Variants in KCNMA1 observed in about 807,000 individuals in gnomAD.
KCNMA1 encodes potassium calcium-activated channel subfamily M alpha 1, also known as Calcium-activated potassium channel subunit alpha-1.
Under a neutral mutation model 140.0 loss-of-function variants are expected in KCNMA1, and 29 were observed. That is an observed-to-expected ratio of 0.21 (90% CI 0.15 to 0.28). The LOEUF is 0.28. Ranked by LOEUF, KCNMA1 falls within the 10% of genes least tolerant of loss-of-function variation. The pLI is 1.00. For missense variants in KCNMA1, 880 were observed against 1,602.2 expected, an observed-to-expected ratio of 0.55 and a Z score of 7.70; for synonymous variants, 612 against 611.9, an observed-to-expected ratio of 1.00 and a Z score of 0.00.
At chr10:77,423,327 G>A (rs1442524978) in intron 1 of KCNMA1, among the ~76,000 whole-genome samples, 1 of 152,168 alleles carries the variant, frequency 6.6e-6, no homozygotes, top group African/African-American at 2.4e-5. Context: ...CAGTGACAAA[G>A]AAATGGTTTC....
At chr10:76,881,416 G>C (rs2034617887), downstream of KCNMA1, among the ~76,000 whole-genome samples, 1 of 152,178 alleles carries the variant, frequency 6.6e-6, no homozygotes, top group Non-Finnish European at 1.5e-5. Flanking sequence ...GTAAATGTGA[G>C]TTGTTAAGGT....
intron 1 of KCNMA1, among the ~76,000 whole-genome samples, chr10:77,535,376 CA>C (rs917065933): frequency 5.9e-5 from 9 of 152,080 alleles, no homozygotes; most frequent in Non-Finnish European, 4.4e-5. Context: ...CAGCTATTAT[CA>C]AAAAGTCTGA....
At chr10:77,051,087 TAA>T (rs980313353) in intron 14 of KCNMA1, among the ~76,000 whole-genome samples, 7 of 152,194 alleles carry the variant, frequency 4.6e-5, no homozygotes, top group Non-Finnish European at 1.5e-5. Context: ...CAATTAAAAA[TAA>T]AGTTTCAGAA....
chr10:77,140,536 G>C (rs887927450), intron 5 of KCNMA1: 1 of 152,606 alleles, frequency 6.6e-6, no homozygotes, highest in Non-Finnish European at 1.5e-5. Context: ...TAGGCTTTCG[G>C]CTCCCTTCCA....
chr10:76,991,121 C>T (rs948272097), intron 19 of KCNMA1, among the ~76,000 whole-genome samples: 4 of 152,196 alleles, frequency 2.6e-5, no homozygotes, highest in Non-Finnish European at 4.4e-5. Context: ...GATGCTGACA[C>T]CTCTCTAGCT....
At chr10:77,273,415 A>C (rs2065741070) in intron 2 of KCNMA1, among the ~76,000 whole-genome samples, 3 of 152,258 alleles carry the variant, frequency 2.0e-5, no homozygotes, top group Admixed American at 1.3e-4. Flanking sequence ...CATTACATGA[A>C]GAGCTTATTA....
At chr10:77,050,861 T>C (rs1192421501) in intron 14 of KCNMA1, among the ~76,000 whole-genome samples, 1 of 152,218 alleles carries the variant, frequency 6.6e-6, no homozygotes, top group Non-Finnish European at 1.5e-5. Context: ...TGCTAGATAT[T>C]GGAGCCAGTT....
rs2097095023 is a variant in KCNMA1 at position 77,429,209 on chromosome 10, A to C, written c.379-25186T>G. 5.3e-5 allele frequency among the ~76,000 whole-genome samples: 8 copies of C among 152,168 alleles called. No homozygotes were observed. The South Asian group carries it at 1.5e-3, about 28-fold the overall frequency. On this transcript the variant is annotated intron_variant, in intron 1 of 27. Coordinates refer to ENST00000286628, the MANE Select transcript of KCNMA1 (RefSeq NM_001161352.2). Reference sequence around the variant, plus strand: ...TATGCCAAGTTCGGAAGGGTCACCAAACCACCTAATCCCCCAAGTGTTAGA... The same window carrying C: ...TATGCCAAGTTCGGAAGGGTCACCACACCACCTAATCCCCCAAGTGTTAGA...
At chr10:77,025,261 TATA>T (rs2093326585) in intron 16 of KCNMA1, among the ~76,000 whole-genome samples, 2 of 118,436 alleles carry the variant, frequency 1.7e-5, no homozygotes, top group Non-Finnish European at 3.4e-5. Context: ...TATATATATA[TATA>T]TATATATATA....
At chr10:77,219,266 G>A (rs951605456) in intron 3 of KCNMA1, among the ~76,000 whole-genome samples, 8 of 152,112 alleles carry the variant, frequency 5.3e-5, no homozygotes, top group Non-Finnish European at 7.3e-5. Flanking sequence ...TAATACAATC[G>A]TGACGACATG....
At chr10:77,268,736 G>T (rs976740741) in intron 2 of KCNMA1, among the ~76,000 whole-genome samples, 3 of 152,150 alleles carry the variant, frequency 2.0e-5, no homozygotes, top group African/African-American at 7.2e-5. Flanking sequence ...AAGTAATAAA[G>T]CAGGGAGTAG....
chr10:77,207,152 G>T (rs1431128560), intron 3 of KCNMA1, among the ~76,000 whole-genome samples: 1 of 151,958 alleles, frequency 6.6e-6, no homozygotes, highest in African/African-American at 2.4e-5. Context: ...TAGATTATGT[G>T]AAGAAGAAAT....
chr10:76,870,080 T>C (rs984921161), exon 28 of KCNMA1: 4 of 152,698 alleles, frequency 2.6e-5, no homozygotes, highest in African/African-American at 9.7e-5. Context: ...GGGTTTGTGT[T>C]TGAAATGTTG....
intron 25 of KCNMA1, among the ~76,000 whole-genome samples, chr10:76,897,951 A>G (rs1295426344): frequency 2.0e-5 from 3 of 151,930 alleles, no homozygotes; most frequent in African/African-American, 7.2e-5. Context: ...ATGGCTGGTA[A>G]CAACTAACTA....
chr10:77,304,389 C>T (rs1041080254), intron 2 of KCNMA1: 1 of 152,234 alleles, frequency 6.6e-6, no homozygotes, highest in Non-Finnish European at 1.5e-5. Context: ...AGTCATACCT[C>T]CATAGCAGAG....
At chr10:77,413,291 C>T (rs1168538095) in intron 1 of KCNMA1, among the ~76,000 whole-genome samples, 2 of 152,130 alleles carry the variant, frequency 1.3e-5, no homozygotes, top group East Asian at 3.9e-4. Context: ...GGTCCCTCCC[C>T]GCGGGCTGCT....
At chr10:77,411,770 A>G (rs369209945) in intron 1 of KCNMA1, among the ~76,000 whole-genome samples, 1 of 152,196 alleles carries the variant, frequency 6.6e-6, no homozygotes, top group Admixed American at 6.5e-5. Context: ...AAGGACAGAG[A>G]AACACAGTTC....
chr10:77,564,198 G>A (rs1031563701), intron 1 of KCNMA1, among the ~76,000 whole-genome samples: 3 of 152,212 alleles, frequency 2.0e-5, no homozygotes, highest in Admixed American at 1.3e-4. Flanking sequence ...TGAATTCACA[G>A]TGACAGTGCA....
intron 23 of KCNMA1, among the ~76,000 whole-genome samples, chr10:76,925,364 T>C (rs1032143788): frequency 7.9e-5 from 12 of 152,276 alleles, no homozygotes; most frequent in African/African-American, 2.6e-4. Flanking sequence ...GCCACTAACA[T>C]GGGATCTCCT....
Sources: allele counts gnomAD v4.1 joint callset (sites outside exome capture counted in the v4.1 genomes callset), GRCh38; gene constraint gnomAD v4.1.1; transcripts MANE v1.5; gene names NCBI Gene and HGNC (gene_info 2026-07-23, HGNC 2026-07-21).